PLD1: variants seen among roughly 807,000 people sequenced by gnomAD.
The protein encoded by PLD1 is phospholipase D1.
Under a neutral mutation model 137.1 loss-of-function variants are expected in PLD1, and 112 were observed. The ratio of observed to expected loss-of-function variants is 0.82; its 90% CI spans 0.70 to 0.96. PLD1 has a LOEUF of 0.96. Among genes scored for constraint, PLD1 ranks in the 40% least tolerant of loss-of-function variants. The pLI is 0.00. For synonymous variants in PLD1, 431 were observed against 454.7 expected, an observed-to-expected ratio of 0.95 and a Z score of 0.66; for missense variants, 1,321 against 1,342.0, an observed-to-expected ratio of 0.98 and a Z score of 0.24.
chr3:171,603,897 A>G (rs1732003830), intron 26 of PLD1, among the ~76,000 whole-genome samples: 1 of 152,168 alleles, frequency 6.6e-6, no homozygotes, highest in African/African-American at 2.4e-5. Context: ...TTATCCTGTT[A>G]TCCCCAAAAT....
chr3:171,762,226 T>C (rs1299643240), intron 1 of PLD1, among the ~76,000 whole-genome samples: 4 of 152,246 alleles, frequency 2.6e-5, no homozygotes, highest in African/African-American at 9.6e-5. Context: ...CCCCAGATGA[T>C]GCTACTTTTG....
chr3:171,611,241 AG>A (rs1458063031), intron 25 of PLD1, among the ~76,000 whole-genome samples: 4 of 152,242 alleles, frequency 2.6e-5, no homozygotes, highest in Non-Finnish European at 5.9e-5. Context: ...ACAAAGGCCT[AG>A]AGTTGGGAGA....
In PLD1 at chr3:171,687,518, G is replaced by A; in HGVS notation, c.1606C>T (p.Pro536Ser). 1 of 1,613,882 alleles carries A rather than the reference G, an allele frequency of 6.2e-7. No individual in the cohort carries two copies. The highest frequency in any genetic ancestry group is 8.5e-7 in the Non-Finnish European group (1 of 1,179,838). ...KDKNEPVQNL[P>S]IQKSIDDVDS... The stretch of plus-strand genomic sequence containing the variant: ...ACATCATCAATACTCTTCTGGATGG[G>A]TAGGTTTTGAACAGGCTCATTTTTA... Residue 536 changes from proline to serine, a missense_variant, in exon 15 of 27, where the codon CCC becomes TCC. Coordinates refer to ENST00000351298, the MANE Select transcript of PLD1 (RefSeq NM_002662.5).
At chr3:171,695,407 G>A (rs1457300480) in intron 12 of PLD1, among the ~76,000 whole-genome samples, 2 of 152,222 alleles carry the variant, frequency 1.3e-5, no homozygotes, top group Non-Finnish European at 2.9e-5. Flanking sequence ...CCTATGCAAT[G>A]CAGTGTTTCT....
intron 1 of PLD1, among the ~76,000 whole-genome samples, chr3:171,766,170 T>C (rs1721963558): frequency 6.6e-6 from 1 of 152,172 alleles, no homozygotes; most frequent in African/African-American, 2.4e-5. Flanking sequence ...CTTAAATATA[T>C]ACAAATTTGA....
intron 1 of PLD1, among the ~76,000 whole-genome samples, chr3:171,756,251 G>T (rs1406711161): frequency 6.6e-6 from 1 of 152,224 alleles, no homozygotes; most frequent in Non-Finnish European, 1.5e-5. Flanking sequence ...AAAGTCTTCA[G>T]TAAAAATAAG....
intron 7 of PLD1, 26 bp from the exon 8 acceptor site, chr3:171,724,814 T>C (rs1578359875): frequency 1.4e-6 from 2 of 1,436,120 alleles, no homozygotes; most frequent in Non-Finnish European, 9.8e-7. Context: ...AATTAACCCA[T>C]CACCTTCAAA....
At chr3:171,696,209 G>A (rs1030873178) in intron 12 of PLD1, among the ~76,000 whole-genome samples, 7 of 152,176 alleles carry the variant, frequency 4.6e-5, no homozygotes, top group African/African-American at 1.2e-4. Flanking sequence ...ACAAAATTGC[G>A]TGTGGGGATT....
chr3:171,739,476 A>G (rs1394465301), intron 1 of PLD1, among the ~76,000 whole-genome samples: 1 of 152,190 alleles, frequency 6.6e-6, no homozygotes, highest in African/African-American at 2.4e-5. Flanking sequence ...GTTGCCTGTA[A>G]GAAAGCTTGG....
At chr3:171,638,651 G>A (rs191523143) in intron 23 of PLD1, among the ~76,000 whole-genome samples, 1 of 152,266 alleles carries the variant, frequency 6.6e-6, no homozygotes, top group East Asian at 1.9e-4. Flanking sequence ...CTCTTTACTT[G>A]TTATTGCTCT....
At chr3:171,692,933 T>C (rs1481458409) in intron 12 of PLD1, among the ~76,000 whole-genome samples, 1 of 152,158 alleles carries the variant, frequency 6.6e-6, no homozygotes, top group African/African-American at 2.4e-5. Flanking sequence ...ATATTAAAAA[T>C]AAAAATCTAT....
chr3:171,699,057 A>C (rs1183496860), intron 12 of PLD1, among the ~76,000 whole-genome samples: 3 of 151,956 alleles, frequency 2.0e-5, no homozygotes, highest in Non-Finnish European at 2.9e-5. Context: ...ATGCTAAATA[A>C]TAAATCCCAG....
At chr3:171,764,953 A>AGGAAGGAAGGAAAGAAAGAAAGGAAG (rs71178236) in intron 1 of PLD1, among the ~76,000 whole-genome samples, 2 of 54,954 alleles carry the variant, frequency 3.6e-5, no homozygotes, top group Admixed American at 2.1e-4. Flanking sequence ...AAAGAAAGAA[A>AGGAAGGAAGGAAAGAAAGAAAGGAAG]GAAAGAAAGA....
At chr3:171,764,877 A>AAG (rs747019417) in intron 1 of PLD1, among the ~76,000 whole-genome samples, 2,085 of 28,554 alleles carry the variant, frequency 0.073, 271 homozygotes, top group Admixed American at 0.091. Flanking sequence ...GAAAGAAAGA[A>AAG]AGAAAGAAAG....
intron 1 of PLD1, among the ~76,000 whole-genome samples, chr3:171,810,149 G>T (rs1724054625): frequency 6.6e-6 from 1 of 152,238 alleles, no homozygotes; most frequent in African/African-American, 2.4e-5. Context: ...CCAGGCAGCC[G>T]CCCGCGCGGC....
At chr3:171,621,810 T>C (rs1011926097) in intron 23 of PLD1, among the ~76,000 whole-genome samples, 3 of 152,218 alleles carry the variant, frequency 2.0e-5, no homozygotes, top group African/African-American at 7.2e-5. Context: ...ATCACCTCCT[T>C]TTTTAAGTCT....
In PLD1 at chr3:171,746,188, C is replaced by A. The variant is rs183325715; in HGVS notation, c.-31-8106G>T. 5.3e-5 allele frequency among the ~76,000 whole-genome samples: 8 copies of A among 152,324 alleles called. 1 individual carries two copies. The South Asian group carries it at 1.7e-3, about 32-fold the overall frequency. Reference sequence around the variant, plus strand: ...TCCCCTCCGCGGGCTCCCGCACAGCCGGAGCCTCCACGGGCACCACCCCCT... The same window carrying A: ...TCCCCTCCGCGGGCTCCCGCACAGCAGGAGCCTCCACGGGCACCACCCCCT... On this transcript the variant is annotated intron_variant, in intron 1 of 26. Transcript: ENST00000351298.
At chr3:171,799,107 G>A (rs1011017494) in intron 1 of PLD1, among the ~76,000 whole-genome samples, 3 of 152,144 alleles carry the variant, frequency 2.0e-5, no homozygotes, top group Non-Finnish European at 2.9e-5. Context: ...TCGGGAGGCC[G>A]AGGCAGGTGG....
chr3:171,702,949 C>A (rs1214310869), intron 11 of PLD1, among the ~76,000 whole-genome samples: 1 of 151,974 alleles, frequency 6.6e-6, no homozygotes, highest in Non-Finnish European at 1.5e-5. Context: ...CCCTTATGAT[C>A]ACAGAAGTAA....
Sources: allele counts gnomAD v4.1 joint callset (sites outside exome capture counted in the v4.1 genomes callset), GRCh38; gene constraint gnomAD v4.1.1; transcripts MANE v1.5; gene names NCBI Gene and HGNC (gene_info 2026-07-23, HGNC 2026-07-21).